INTS9: variants seen among roughly 807,000 people sequenced by gnomAD.
INTS9 encodes the protein protein related to CPSF subunits of 74 kDa.
A neutral mutation model predicts 79.7 loss-of-function variants in INTS9; 55 were observed. The observed-to-expected ratio is 0.69, with a 90% CI of 0.56 to 0.86. INTS9 has a LOEUF of 0.86. Among genes scored for constraint, INTS9 ranks in the 40% least tolerant of loss-of-function variants. The pLI, the probability that INTS9 is intolerant of heterozygous loss-of-function variation, is 0.00. For synonymous variants in INTS9, 319 were observed against 325.2 expected, an observed-to-expected ratio of 0.98 and a Z score of 0.20; for missense variants, 721 against 831.5, an observed-to-expected ratio of 0.87 and a Z score of 1.64.
rs1233163776 is a variant in INTS9 at position 28,859,523 on chromosome 8, A to G, written c.50T>C (p.Leu17Pro). Residue 17 changes from leucine to proline, a missense_variant, in exon 2 of 17, where the codon CTC becomes CCC. By Grantham distance (98) the Leu-to-Pro change is moderately conservative. Around this residue, in one of 3 missense-constraint regions of INTS9, gnomAD observed 291 missense variants for 307.0 expected, o/e 0.95. Coordinates refer to ENST00000521022, the MANE Select transcript of INTS9 (RefSeq NM_018250.4). ...CATAATGGTGGTTGATTTGAATTTGAGCACATTGCATGGTAAGGTTGGGTG... is the reference window on the plus strand; with the variant it reads ...CATAATGGTGGTTGATTTGAATTTGGGCACATTGCATGGTAAGGTTGGGTG... ...SGHPTLPCNV[L>P]KFKSTTIMLD... 3 of 1,614,192 alleles carry G rather than the reference A, an allele frequency of 1.9e-6. No individual in the cohort carries two copies. The highest frequency in any genetic ancestry group is 3.3e-5 in the Admixed American group (2 of 60,028).
At chr8:28,823,581 C>A (rs1223995483) in intron 6 of INTS9, among the ~76,000 whole-genome samples, 2 of 145,894 alleles carry the variant, frequency 1.4e-5, no homozygotes, top group African/African-American at 2.6e-5. Flanking sequence ...AATGTGTGTA[C>A]CTTTCTTCTG....
At chr8:28,808,354 G>A (rs564459001) in intron 8 of INTS9, among the ~76,000 whole-genome samples, 2 of 151,968 alleles carry the variant, frequency 1.3e-5, no homozygotes, top group East Asian at 1.9e-4. Flanking sequence ...CCATCACACC[G>A]GTTAATTTTT....
At chr8:28,820,139 T>G (rs1251741206) in intron 6 of INTS9, among the ~76,000 whole-genome samples, 6 of 152,226 alleles carry the variant, frequency 3.9e-5, no homozygotes, top group Non-Finnish European at 7.3e-5. Context: ...ATTGGAGCAT[T>G]TAGTCCATTT....
intron 1 of INTS9, among the ~76,000 whole-genome samples, chr8:28,872,424 A>T (rs1197380241): frequency 1.3e-5 from 2 of 152,274 alleles, no homozygotes; most frequent in African/African-American, 4.8e-5. Flanking sequence ...CATTAACTAT[A>T]TGTCTCTTCT....
chr8:28,851,933 T>C (rs1807860423), intron 2 of INTS9, among the ~76,000 whole-genome samples: 2 of 152,038 alleles, frequency 1.3e-5, no homozygotes, highest in Admixed American at 6.6e-5. Flanking sequence ...AAATCACTAC[T>C]GGAGGCCAGG....
intron 2 of INTS9, among the ~76,000 whole-genome samples, chr8:28,851,645 G>A (rs1321114178): frequency 1.3e-5 from 2 of 151,906 alleles, no homozygotes; most frequent in Admixed American, 6.6e-5. Context: ...CACTGTGTTA[G>A]CCAGGATGGT....
chr8:28,834,124 C>G (rs1161806775), intron 6 of INTS9, among the ~76,000 whole-genome samples: 1 of 152,164 alleles, frequency 6.6e-6, no homozygotes, highest in Non-Finnish European at 1.5e-5. Context: ...TTTTACAACT[C>G]TTACCAGTTC....
At chr8:28,773,989 T>G (rs1291916429) in intron 14 of INTS9, among the ~76,000 whole-genome samples, 1 of 152,154 alleles carries the variant, frequency 6.6e-6, no homozygotes, top group African/African-American at 2.4e-5. Context: ...CCAGCTAATT[T>G]TTTTTAGTGG....
Position 28,775,833 on chromosome 8 carries a change from T to C in INTS9, c.1489A>G (p.Met497Val), listed in dbSNP as rs1010471162. 1 of 1,613,890 alleles carries C rather than the reference T, an allele frequency of 6.2e-7. No individual in the cohort carries two copies. The highest frequency in any genetic ancestry group is 8.5e-7 in the Non-Finnish European group (1 of 1,179,924). The change falls in exon 14 of 17, where the codon ATG becomes GTG. Residue 497 changes from methionine (M) to valine (V), a missense_variant. Transcript: ENST00000521022. ...AGAACCTCAGCCCGCCGATAGGACATGGCGGGGGGCTGGCAGTCGATCATG... is the reference window on the plus strand; with the variant it reads ...AGAACCTCAGCCCGCCGATAGGACACGGCGGGGGGCTGGCAGTCGATCATG... ...DLMIDCQPPA[M>V]SYRRAEVLAL...
intron 6 of INTS9, among the ~76,000 whole-genome samples, chr8:28,819,963 A>T (rs1805729736): frequency 1.3e-5 from 2 of 152,104 alleles, no homozygotes; most frequent in South Asian, 2.1e-4. Flanking sequence ...TATCAGAGAC[A>T]AGGATTGCAA....
chr8:28,790,886 T>C lies in INTS9; in HGVS notation c.1037+2921A>G, dbSNP rs559069830. Among the ~76,000 whole-genome samples the C allele has an allele frequency of 1.1e-3, 168 of 152,234 alleles. 2 individuals are homozygous for C. Among genetic ancestry groups the C allele is most frequent in the African/African-American group, 3.7e-3 (153 of 41,550 alleles). On this transcript the variant is annotated intron_variant, in intron 10 of 16. Coordinates refer to ENST00000521022, the MANE Select transcript of INTS9 (RefSeq NM_018250.4). ...GGATTGGACAAGTTTCACCTGCACA[T>C]CCCCTGCCTCAGGCACCGTCAATGC... is the stretch of plus-strand genomic sequence containing the variant.
intron 8 of INTS9, among the ~76,000 whole-genome samples, chr8:28,811,113 T>C (rs1805092961): frequency 6.7e-6 from 1 of 149,686 alleles, no homozygotes; most frequent in South Asian, 2.1e-4. Context: ...CTGTTTTTCT[T>C]TTTTCTTTCT....
chr8:28,770,409 A>C (rs1802462595), intron 15 of INTS9, among the ~76,000 whole-genome samples: 2 of 152,148 alleles, frequency 1.3e-5, no homozygotes, highest in Admixed American at 1.3e-4. Context: ...GGGAAACCCC[A>C]CCTTTGCCAC....
At chr8:28,859,006 A>G (rs537507981) in intron 2 of INTS9, among the ~76,000 whole-genome samples, 5 of 152,358 alleles carry the variant, frequency 3.3e-5, no homozygotes, top group African/African-American at 4.8e-5. Flanking sequence ...TTCTAAATCT[A>G]AAGTTGACTT....
chr8:28,846,216 T>G (rs993782511), intron 4 of INTS9, among the ~76,000 whole-genome samples: 12 of 152,200 alleles, frequency 7.9e-5, no homozygotes, highest in Admixed American at 7.9e-4. Context: ...TTAGTTTCCT[T>G]TGAAAGGATG....
At chr8:28,881,069 C>A (rs1227712071) in intron 1 of INTS9, among the ~76,000 whole-genome samples, 1 of 150,376 alleles carries the variant, frequency 6.6e-6, no homozygotes, top group Non-Finnish European at 1.5e-5. Context: ...GCAACCACCC[C>A]GTCTGGGAAG....
Position 28,777,680 on chromosome 8 carries a change from G to T in INTS9, c.1395+149C>A, listed in dbSNP as rs535172743. The T allele has an allele frequency of 1.2e-4, 94 of 792,152 alleles. 1 individual carries two copies. The African/African-American group carries it at 1.5e-3, about 13-fold the overall frequency. The allele number at this position is 792,152 out of a possible 1,614,324, so 49.1% of individuals were successfully genotyped here. A position where few individuals can be genotyped will look rare whatever the true frequency, so the allele number is the denominator to read the frequency against. The stretch of plus-strand genomic sequence containing the variant: ...CCACTCCTTTTCAGTGTGGAGGGGG[G>T]CTGGCATGTGTCCCAGCATTCTGCA... On this transcript the variant is annotated intron_variant, in intron 13 of 16. Transcript: ENST00000521022.
chr8:28,827,028 A>G (rs900967992), intron 6 of INTS9, among the ~76,000 whole-genome samples: 1 of 152,168 alleles, frequency 6.6e-6, no homozygotes, highest in Non-Finnish European at 1.5e-5. Flanking sequence ...GCTTTCCCAG[A>G]AACTCTCCTT....
chr8:28,881,469 AGGGGGGAG>A (rs1809798793), intron 1 of INTS9, among the ~76,000 whole-genome samples: 4 of 58,768 alleles, frequency 6.8e-5, no homozygotes, highest in Non-Finnish European at 9.6e-5. Flanking sequence ...CCCGTCCGGG[AGGGGGGAG>A]GGGGGGGTCA....
Sources: gnomAD v4.1 joint callset for allele counts (sites outside exome capture counted in the v4.1 genomes callset) on GRCh38, gnomAD v4.1.1 for gene constraint, gnomAD v4.1.1 regional missense constraint, MANE v1.5 for transcripts, NCBI Gene and HGNC (gene_info 2026-07-23, HGNC 2026-07-21) for gene names.